The following PALLD variants were observed in gnomAD, a reference collection of about 807,000 sequenced individuals.
PALLD encodes the protein palladin.
In PALLD, 61 loss-of-function variants were observed where a neutral mutation model predicts 123.5. The observed-to-expected ratio is 0.49, with a 90% CI of 0.40 to 0.61. PALLD has a LOEUF of 0.61. PALLD is among the 20% of genes least tolerant of loss of function. The pLI is 0.00. For synonymous variants in PALLD, 465 were observed against 496.4 expected, an observed-to-expected ratio of 0.94 and a Z score of 0.84; for missense variants, 1,273 against 1,377.0, an observed-to-expected ratio of 0.92 and a Z score of 1.20.
chr4:168,883,021 G>A (rs992121315), intron 10 of PALLD, among the ~76,000 whole-genome samples: 1 of 151,470 alleles, frequency 6.6e-6, no homozygotes, highest in Admixed American at 6.6e-5. Flanking sequence ...AACACAGTGG[G>A]TGAGGTTGCA....
chr4:168,508,376 C>A (rs1762212845), intron 1 of PALLD, among the ~76,000 whole-genome samples: 1 of 152,158 alleles, frequency 6.6e-6, no homozygotes, highest in South Asian at 2.1e-4. Flanking sequence ...CAAAAACCTT[C>A]TCTTTTTCAA....
intron 10 of PALLD, among the ~76,000 whole-genome samples, chr4:168,777,375 C>T (rs935661025): frequency 2.6e-5 from 4 of 152,142 alleles, no homozygotes; most frequent in African/African-American, 4.8e-5. Context: ...CACAGGACTT[C>T]CTGCCGCCTT....
intron 2 of PALLD, among the ~76,000 whole-genome samples, chr4:168,550,938 A>G (rs1270654562): frequency 6.6e-6 from 1 of 152,230 alleles, no homozygotes; most frequent in Non-Finnish European, 1.5e-5. Flanking sequence ...ATTTGAATTA[A>G]TGGAGAATTT....
At chr4:168,784,262 A>T (rs1245212444) in intron 10 of PALLD, among the ~76,000 whole-genome samples, 1 of 151,982 alleles carries the variant, frequency 6.6e-6, no homozygotes, top group South Asian at 2.1e-4. Context: ...GAGCCCAGGA[A>T]TTCAAGGCTG....
chr4:168,684,265 T>C (rs1371935322), intron 5 of PALLD, among the ~76,000 whole-genome samples: 1 of 152,142 alleles, frequency 6.6e-6, no homozygotes, highest in Non-Finnish European at 1.5e-5. Flanking sequence ...ACCATAATAA[T>C]GTAAAGAGTG....
In PALLD at chr4:168,757,962, C is replaced by T. The variant is rs2150416575; in HGVS notation, c.1964+46039C>T. On this transcript the variant is annotated intron_variant, in intron 10 of 21. Transcript: ENST00000505667. ...GGCGCATGCCTGTGATCCCAGCTAT[C>T]TGGGAGGCTGAGGCAGGAGAGTCGC... 2.0e-5 allele frequency among the ~76,000 whole-genome samples: 3 copies of T among 152,266 alleles called. No individual in the cohort carries two copies. In the Middle Eastern group the frequency reaches 0.01, roughly 518 times the overall value.
chr4:168,685,121 A>G (rs550178679), intron 5 of PALLD, among the ~76,000 whole-genome samples: 3 of 152,354 alleles, frequency 2.0e-5, no homozygotes, highest in African/African-American at 7.2e-5. Flanking sequence ...GCTTTTATGC[A>G]TTGAATCCAA....
rs567095866 is a variant in PALLD, at chr4:168,918,190, CA to C, written c.2850+2176del. ...AGAACAAGACTCCCCGTCTCCCCCA[CA>C]AAAAAAAAAAAAGAAAAGAAAATGA... On this transcript the variant is annotated intron_variant, in intron 17 of 21. Transcript: ENST00000505667. Among the ~76,000 whole-genome samples the C allele has an allele frequency of 6.6e-3, 779 of 118,004 alleles. 4 individuals carry two copies. The highest frequency in any genetic ancestry group is 0.019 in the African/African-American group (595 of 31,314). The allele number at this position is 118,004 out of a possible 152,430, so 77.4% of individuals were successfully genotyped here.
In PALLD at chr4:168,581,003, GA is replaced by G. The variant is rs532214023; in HGVS notation, c.908+68603del. ...AAGGTTGGAGGTGGGAGAGGTTCAGGAAAAAAAAAAAACTGTCAGATACTAT... is the reference window on the plus strand; with the variant it reads ...AAGGTTGGAGGTGGGAGAGGTTCAGGAAAAAAAAAAACTGTCAGATACTAT... On this transcript the variant is annotated intron_variant, in intron 2 of 21. Transcript: ENST00000505667. 3.4e-3 allele frequency among the ~76,000 whole-genome samples: 487 copies of G among 141,734 alleles called. 1 individual carries two copies. The highest frequency in any genetic ancestry group is 7.0e-3 in the African/African-American group (273 of 38,778). The allele number at this position is 141,734 out of a possible 152,430, so 93.0% of individuals were successfully genotyped here.
At chr4:168,877,777 C>A in intron 10 of PALLD, 1 of 1,198,576 alleles carries the variant, frequency 8.3e-7, no homozygotes, top group South Asian at 3.5e-5. Context: ...AGCAGGAGGC[C>A]GGCGCTCGGC....
chr4:168,823,237 C>A (rs1432614058), intron 10 of PALLD, among the ~76,000 whole-genome samples: 2 of 152,138 alleles, frequency 1.3e-5, no homozygotes, highest in Non-Finnish European at 2.9e-5. Flanking sequence ...AATAAATTGG[C>A]CCTGCCTAAG....
intron 2 of PALLD, among the ~76,000 whole-genome samples, chr4:168,614,559 C>T (rs1331826381): frequency 6.6e-6 from 1 of 152,196 alleles, no homozygotes; most frequent in African/African-American, 2.4e-5. Flanking sequence ...TTGTAAGTAT[C>T]ATGCATACTT....
At chr4:168,604,085 C>T (rs1167164988) in intron 2 of PALLD, among the ~76,000 whole-genome samples, 1 of 152,160 alleles carries the variant, frequency 6.6e-6, no homozygotes, top group Non-Finnish European at 1.5e-5. Flanking sequence ...AAAACTCTCC[C>T]TTAGGAAAGT....
At chr4:168,801,228 T>C in intron 10 of PALLD, among the ~76,000 whole-genome samples, 1 of 152,192 alleles carries the variant, frequency 6.6e-6, no homozygotes, top group East Asian at 1.9e-4. Context: ...TGAGCAGTGG[T>C]TACAATCTGG....
intron 2 of PALLD, among the ~76,000 whole-genome samples, chr4:168,641,085 G>A (rs957944075): frequency 1.3e-5 from 2 of 152,054 alleles, no homozygotes; most frequent in Non-Finnish European, 2.9e-5. Context: ...GCATGTGCCT[G>A]TAGTCCCAGC....
intron 10 of PALLD, among the ~76,000 whole-genome samples, chr4:168,749,004 T>A (rs1730679296): frequency 6.6e-6 from 1 of 152,294 alleles, no homozygotes; most frequent in African/African-American, 2.4e-5. Flanking sequence ...CCAAATCTCA[T>A]GTTGAAATGT....
In PALLD at chr4:168,921,598, G is replaced by A; in HGVS notation, c.2915G>A (p.Ser972Asn). ...QLDGKPVRPD[S>N]AHKMLVRENG... The stretch of plus-strand genomic sequence containing the variant: ...GATGGAAAGCCCGTACGCCCTGACA[G>A]TGCTCACAAGATGCTGGTGCGTGAG... The change falls in exon 18 of 22, where the codon AGT (serine) becomes AAT (asparagine). Residue 972 changes from serine (S) to asparagine (N), a missense_variant. Ser to Asn is a conservative substitution (Grantham distance 46). Transcript: ENST00000505667. The A allele has an allele frequency of 6.2e-7, 1 of 1,610,308 alleles. No individual in the cohort carries two copies. Among genetic ancestry groups the A allele is most frequent in the South Asian group, 1.1e-5 (1 of 90,700 alleles).
chr4:168,532,463 CAAG>C (rs1764693425), intron 2 of PALLD, among the ~76,000 whole-genome samples: 1 of 152,098 alleles, frequency 6.6e-6, no homozygotes, highest in Non-Finnish European at 1.5e-5. Flanking sequence ...AGGACCAATC[CAAG>C]AAGAAGCTGA....
intron 10 of PALLD, among the ~76,000 whole-genome samples, chr4:168,721,414 G>GACA (rs1375081090): frequency 1.3e-5 from 2 of 151,776 alleles, no homozygotes; most frequent in East Asian, 3.9e-4. Flanking sequence ...AGTGAAAATA[G>GACA]ACAAAATGAT....
Sources: gnomAD v4.1 joint callset for allele counts (sites outside exome capture counted in the v4.1 genomes callset) on GRCh38, gnomAD v4.1.1 for gene constraint, MANE v1.5 for transcripts, NCBI Gene and HGNC (gene_info 2026-07-23, HGNC 2026-07-21) for gene names.